Variants in LGI2 observed in about 807,000 individuals in gnomAD.
LGI2 encodes leucine-rich repeat LGI family member 2.
A neutral mutation model predicts 52.0 loss-of-function variants in LGI2; 30 were observed. The ratio of observed to expected loss-of-function variants is 0.58; its 90% CI spans 0.43 to 0.78. The LOEUF is 0.78. LGI2 is among the 30% of genes least tolerant of loss of function. The pLI, the probability that LGI2 is intolerant of heterozygous loss-of-function variation, is 0.00. For synonymous variants in LGI2, 270 were observed against 271.8 expected (o/e 0.99, Z 0.06); for missense variants, 573 against 692.5 (o/e 0.83, Z 1.94).
At chr4:25,027,271 C>T (rs1194092669) in intron 2 of LGI2, among the ~76,000 whole-genome samples, 1 of 151,838 alleles carries the variant, frequency 6.6e-6, no homozygotes, top group East Asian at 1.9e-4. Context: ...CTTTATGGTA[C>T]ACAAGCAATC....
intron 5 of LGI2, 116 bp from the exon 6 acceptor site, chr4:25,018,274 TA>T: frequency 1.4e-6 from 1 of 706,764 alleles, no homozygotes; most frequent in Non-Finnish European, 2.2e-6. Context: ...TAAAACCCCC[TA>T]AAAATGGAGT....
rs1240183458 is a variant in LGI2 at position 25,004,902 on chromosome 4, T to C, written c.821-634A>G. Among the ~76,000 whole-genome samples, 1 of 152,184 alleles carries C rather than the reference T, an allele frequency of 6.6e-6. No homozygotes were observed. The highest frequency in any genetic ancestry group is 1.5e-5 in the Non-Finnish European group (1 of 68,034). On this transcript the variant is annotated intron_variant, in intron 7 of 7. Transcript: ENST00000382114. This position sits in a 1 kb window ranked among gnomAD's most constrained non-coding sequence, Gnocchi z 4.6. Reference sequence around the variant, plus strand: ...GTGGAAGCAACCCAAGTTGCTTCAATGGACAAATAGATAGACAAAATGTGG... The same window carrying C: ...GTGGAAGCAACCCAAGTTGCTTCAACGGACAAATAGATAGACAAAATGTGG...
rs1482181050 is a variant in LGI2, at chr4:25,030,802, T to C, written c.-109A>G. 2 of 559,696 alleles carry C rather than the reference T, an allele frequency of 3.6e-6. No homozygotes were observed. Among genetic ancestry groups the C allele is most frequent in the Non-Finnish European group, 4.6e-6 (2 of 438,182 alleles). The allele number at this position is 559,696 out of a possible 1,614,324, so 34.7% of individuals were successfully genotyped here. ...CCGCTCGCTGCTCTGCCGCCGCCGC[T>C]GCTGGCGAGGACTAGGGAGCCGCGG... On this transcript the variant is annotated 5_prime_UTR_variant, in exon 1 of 8. Transcript: ENST00000382114.
At chr4:24,998,524 T>A (rs1725145559), downstream of LGI2, among the ~76,000 whole-genome samples, 1 of 152,204 alleles carries the variant, frequency 6.6e-6, no homozygotes, top group South Asian at 2.1e-4. Context: ...AACGAAGTCT[T>A]GCAATCTCAC....
At chr4:25,029,137 C>T (rs1726247367) in intron 1 of LGI2, among the ~76,000 whole-genome samples, 1 of 152,206 alleles carries the variant, frequency 6.6e-6, no homozygotes, top group African/African-American at 2.4e-5. Flanking sequence ...AGGCAAGATG[C>T]TTGGCTTTAT....
chr4:25,027,493 T>C (rs1227988286), intron 2 of LGI2, among the ~76,000 whole-genome samples: 1 of 151,950 alleles, frequency 6.6e-6, no homozygotes, highest in African/African-American at 2.4e-5. Flanking sequence ...GGCAAAAGAA[T>C]ACCTAAAATT....
chr4:25,010,887 A>G (rs1368336544), intron 7 of LGI2, among the ~76,000 whole-genome samples: 1 of 151,980 alleles, frequency 6.6e-6, no homozygotes, highest in Non-Finnish European at 1.5e-5. Flanking sequence ...GTTTGAGACC[A>G]GCCTGGGCAT....
At chr4:25,007,603 G>C (rs1387854089) in intron 7 of LGI2, among the ~76,000 whole-genome samples, 2 of 151,758 alleles carry the variant, frequency 1.3e-5, no homozygotes, top group Non-Finnish European at 2.9e-5. Flanking sequence ...GTGTGTGTGT[G>C]TGTGTGTGTG....
chr4:25,025,959 C>T (rs1489849856), intron 3 of LGI2, among the ~76,000 whole-genome samples: 3 of 152,322 alleles, frequency 2.0e-5, no homozygotes, highest in South Asian at 2.1e-4. Context: ...TTTAGCATTG[C>T]AGTCCTGCTA....
At chr4:25,022,741 C>T (rs886176117) in intron 4 of LGI2, among the ~76,000 whole-genome samples, 4 of 152,166 alleles carry the variant, frequency 2.6e-5, no homozygotes, top group Admixed American at 6.5e-5. Flanking sequence ...TGCAAATACC[C>T]GCGCATGATA....
At chr4:25,015,808 C>T (rs571007178) in intron 6 of LGI2, among the ~76,000 whole-genome samples, 1 of 151,956 alleles carries the variant, frequency 6.6e-6, no homozygotes, top group African/African-American at 2.4e-5. Context: ...AATTTGTTGA[C>T]CTAGTTCTTA....
downstream of LGI2, among the ~76,000 whole-genome samples, chr4:24,996,156 T>G (rs982595987): frequency 2.0e-5 from 3 of 152,208 alleles, no homozygotes; most frequent in African/African-American, 7.2e-5. Flanking sequence ...GGAGGCTGTT[T>G]CATTAAGTAT....
At chr4:24,993,508 C>T in the LGI2 span, among the ~76,000 whole-genome samples, 56 of 152,282 alleles carry the variant, frequency 3.7e-4, 1 homozygote, top group African/African-American at 1.3e-3. Flanking sequence ...CACTTTGGGA[C>T]TAGGCATGCT....
At chr4:25,010,780 A>G (rs1036832402) in intron 7 of LGI2, among the ~76,000 whole-genome samples, 1 of 152,206 alleles carries the variant, frequency 6.6e-6, no homozygotes, top group Non-Finnish European at 1.5e-5. Context: ...CGGCATTGGA[A>G]CTTGTTCAAG....
At position 25,030,875 on chromosome 4, in the gene LGI2, C is replaced by T. The variant is rs561966927; in HGVS notation, c.-182G>A. On this transcript the variant is annotated 5_prime_UTR_variant, in exon 1 of 8. Transcript: ENST00000382114. ...CGAGCAGCATGCTGGCCGCCACCCC[C>T]ACTCGGCGCCCCCCCACCCGAGCCC... 5.8e-5 allele frequency: 11 copies of T among 189,536 alleles called. No homozygotes were observed. The South Asian group carries it at 1.8e-3, about 31-fold the overall frequency. 11.7% of individuals were successfully genotyped at this position (189,536 alleles called of 1,614,324 possible). A position where few individuals can be genotyped will look rare whatever the true frequency, so the allele number is the denominator to read the frequency against.
chr4:25,003,557 C>T lies in LGI2; in HGVS notation c.1532G>A (p.Arg511His), dbSNP rs756520631. 1.2e-5 allele frequency: 19 copies of T among 1,613,892 alleles called. No homozygotes were observed. The highest frequency in any genetic ancestry group is 1.4e-5 in the Non-Finnish European group (16 of 1,179,974). The change falls in exon 8 of 8, where the codon CGT (arginine) becomes CAT (histidine). Residue 511 changes from arginine (R) to histidine (H), a missense_variant. Physicochemically the swap from Arg to His is conservative, Grantham distance 29. Coordinates refer to ENST00000382114, the MANE Select transcript of LGI2 (RefSeq NM_018176.4). ...KFKEIYVQAP[R>H]SFTAVSTDRR... Reference sequence around the variant, plus strand: ...GTCGGTGGAGACAGCTGTGAATGAACGAGGCGCCTGCACGTAAATCTCCTT... The same window carrying T: ...GTCGGTGGAGACAGCTGTGAATGAATGAGGCGCCTGCACGTAAATCTCCTT...
rs1444125505 is a variant in LGI2, at chr4:25,012,335, C to G, written c.820G>C (p.Gly274Arg). ...ACATCTGATCAAAGCCACAACACAC[C>G]TGTAATGTTGTCATAGCTCCGGAAA... Reference protein sequence around the residue: ...MNFRSYDNITGQSIVGCKAIL... With the variant: ...MNFRSYDNITRQSIVGCKAIL... The change falls in exon 7 of 8, where the codon GGT becomes CGT. Residue 274 changes from glycine to arginine, a missense_variant and splice_region_variant. Gly to Arg is a moderately radical substitution (Grantham distance 125, BLOSUM62 -2). Coordinates refer to ENST00000382114, the MANE Select transcript of LGI2 (RefSeq NM_018176.4). 6.2e-7 allele frequency: 1 copy of G among 1,614,206 alleles called. No homozygotes were observed. Among genetic ancestry groups the G allele is most frequent in the Non-Finnish European group, 8.5e-7 (1 of 1,180,018 alleles).
chr4:25,020,876 T>C (rs1725935941), intron 4 of LGI2, among the ~76,000 whole-genome samples: 2 of 152,348 alleles, frequency 1.3e-5, no homozygotes, highest in East Asian at 3.9e-4. Context: ...CATTTTTAAC[T>C]GTGTTGGAAA....
At chr4:25,005,030 C>A (rs893119053) in intron 7 of LGI2, among the ~76,000 whole-genome samples, 5 of 152,124 alleles carry the variant, frequency 3.3e-5, no homozygotes, top group Non-Finnish European at 7.4e-5. Context: ...AGTGAAATAG[C>A]CAGTCACAAA....
Sources: gnomAD v4.1 joint callset for allele counts (sites outside exome capture counted in the v4.1 genomes callset) on GRCh38, gnomAD v4.1.1 for gene constraint, Gnocchi (gnomAD v3.1) non-coding constraint, MANE v1.5 for transcripts, NCBI Gene and HGNC (gene_info 2026-07-23, HGNC 2026-07-21) for gene names.